The following SDK1 variants were observed in gnomAD, a reference collection of about 807,000 sequenced individuals.
The protein encoded by SDK1 is protein sidekick-1.
In SDK1, 157 loss-of-function variants were observed where a neutral mutation model predicts 245.5. The ratio of observed to expected loss-of-function variants is 0.64; its 90% CI spans 0.56 to 0.73. The LOEUF (loss-of-function observed/expected upper bound fraction) is 0.73. Ranked by LOEUF, SDK1 falls within the 30% of genes least tolerant of loss-of-function variation. SDK1 has a pLI of 0.00. For synonymous variants in SDK1, 1,647 were observed against 1,278.5 expected (o/e 1.29, Z -6.15); for missense variants, 3,583 against 3,002.3 (o/e 1.19, Z -4.52).
At chr7:3,507,247 G>C (rs1307447122) in intron 1 of SDK1, among the ~76,000 whole-genome samples, 1 of 152,014 alleles carries the variant, frequency 6.6e-6, no homozygotes, top group Non-Finnish European at 1.5e-5. Flanking sequence ...GTTGTCTCTT[G>C]AAATCTCACC....
intron 2 of SDK1, among the ~76,000 whole-genome samples, chr7:3,620,006 T>C (rs1781886152): frequency 6.6e-6 from 1 of 152,180 alleles, no homozygotes; most frequent in African/African-American, 2.4e-5. Context: ...GATGGAGAAC[T>C]AGCATGCCAG....
chr7:3,717,128 A>G (rs1785226899), intron 4 of SDK1, among the ~76,000 whole-genome samples: 1 of 152,224 alleles, frequency 6.6e-6, no homozygotes, highest in Non-Finnish European at 1.5e-5. Flanking sequence ...GGATACAAGT[A>G]GGCTGTGATA....
intron 1 of SDK1, among the ~76,000 whole-genome samples, chr7:3,499,407 T>G (rs1389604282): frequency 6.6e-6 from 1 of 152,190 alleles, no homozygotes; most frequent in Non-Finnish European, 1.5e-5. Context: ...AGAAAAGTAT[T>G]AAAAATGTGT....
intron 4 of SDK1, among the ~76,000 whole-genome samples, chr7:3,687,141 A>G (rs1784309741): frequency 6.6e-6 from 1 of 150,714 alleles, no homozygotes; most frequent in South Asian, 2.1e-4. Context: ...GACAAATGAA[A>G]AATTATGTTC....
intron 1 of SDK1, among the ~76,000 whole-genome samples, chr7:3,438,823 C>T (rs1157938481): frequency 6.2e-5 from 1 of 16,014 alleles, no homozygotes; most frequent in Non-Finnish European, 1.0e-4. Context: ...TGGCAGCAAC[C>T]CTGTTTTCTT....
At chr7:4,177,082 G>T (rs1782260917) in intron 34 of SDK1, among the ~76,000 whole-genome samples, 1 of 152,248 alleles carries the variant, frequency 6.6e-6, no homozygotes, top group African/African-American at 2.4e-5. Context: ...GCATTCTGTA[G>T]GGGTGGGAGT....
At chr7:3,790,215 G>C (rs1781036438) in intron 4 of SDK1, among the ~76,000 whole-genome samples, 1 of 152,110 alleles carries the variant, frequency 6.6e-6, no homozygotes, top group African/African-American at 2.4e-5. Context: ...AGAAGCCAGG[G>C]GGCTGTCTCT....
At chr7:3,902,751 TG>T (rs1371529358) in intron 5 of SDK1, among the ~76,000 whole-genome samples, 1 of 152,248 alleles carries the variant, frequency 6.6e-6, no homozygotes, top group East Asian at 1.9e-4. Flanking sequence ...TTCTCAACAA[TG>T]CTTCATAAAG....
At chr7:4,167,779 G>A (rs1028106372) in intron 32 of SDK1, among the ~76,000 whole-genome samples, 1 of 152,236 alleles carries the variant, frequency 6.6e-6, no homozygotes, top group African/African-American at 2.4e-5. Flanking sequence ...GGTGCAAAGC[G>A]AACCTTTTGT....
chr7:4,139,705 ATGTG>A (rs368036304), intron 28 of SDK1, among the ~76,000 whole-genome samples: 2,321 of 112,046 alleles, frequency 0.021, 527 homozygotes, highest in African/African-American at 0.075. Context: ...GTGTGTGTGT[ATGTG>A]TGTGTGTGTG....
chr7:3,636,547 T>C (rs1782461990), intron 2 of SDK1, among the ~76,000 whole-genome samples: 1 of 152,232 alleles, frequency 6.6e-6, no homozygotes. Flanking sequence ...TTTCCTTCTT[T>C]TTAAGACTGA....
At chr7:4,112,825 GCTCATGCAAC>G (rs1014842743) in intron 23 of SDK1, among the ~76,000 whole-genome samples, 1 of 151,758 alleles carries the variant, frequency 6.6e-6, no homozygotes, top group Non-Finnish European at 1.5e-5. Flanking sequence ...CACCATCTCA[GCTCATGCAAC>G]CTCTGCTTCC....
chr7:3,608,003 C>T (rs938535267), intron 1 of SDK1, among the ~76,000 whole-genome samples: 4 of 152,200 alleles, frequency 2.6e-5, no homozygotes, highest in African/African-American at 7.2e-5. Flanking sequence ...TGTACTTTGT[C>T]CCCTTGTTGA....
At chr7:3,778,191 GT>G (rs961210571) in intron 4 of SDK1, among the ~76,000 whole-genome samples, 2 of 152,016 alleles carry the variant, frequency 1.3e-5, no homozygotes, top group Non-Finnish European at 2.9e-5. Context: ...TTAAGCAAAT[GT>G]TTGTTTTCCT....
In SDK1 at chr7:3,443,490, T is replaced by A. The variant is rs533075633; in HGVS notation, c.298+141606T>A. 3.9e-5 allele frequency among the ~76,000 whole-genome samples: 6 copies of A among 152,342 alleles called. No homozygotes were observed. The South Asian group carries it at 1.0e-3, about 26-fold the overall frequency. ...TATACCCTGAATATTTTCCAGCTTG[T>A]AATTAACTGCACAGATGATGTGATC... On this transcript the variant is annotated intron_variant, in intron 1 of 44. Coordinates refer to ENST00000404826, the MANE Select transcript of SDK1 (RefSeq NM_152744.4).
chr7:4,162,391 TTATTATTATTA>T (rs750820330), intron 32 of SDK1, among the ~76,000 whole-genome samples: 3 of 147,118 alleles, frequency 2.0e-5, no homozygotes, highest in Admixed American at 6.8e-5. Flanking sequence ...ATTATTATTA[TTATTATTATTA>T]TTATTATTAT....
At chr7:3,473,930 G>C (rs2128599438) in intron 1 of SDK1, among the ~76,000 whole-genome samples, 1 of 151,954 alleles carries the variant, frequency 6.6e-6, no homozygotes, top group Middle Eastern at 3.4e-3. Flanking sequence ...GTGGACTTTG[G>C]AGCCCAAATA....
intron 1 of SDK1, among the ~76,000 whole-genome samples, chr7:3,349,345 T>C (rs916285545): frequency 4.0e-5 from 6 of 151,270 alleles, no homozygotes; most frequent in African/African-American, 1.5e-4. Flanking sequence ...ACGTCATTCT[T>C]GGAGTTACTC....
At chr7:4,074,886 G>GTATATATATATATATA (rs1240017364) in intron 20 of SDK1, among the ~76,000 whole-genome samples, 1 of 48,110 alleles carries the variant, frequency 2.1e-5, no homozygotes, top group African/African-American at 1.6e-4. Flanking sequence ...CTCTCTCTCT[G>GTATATATATATATATA]TATATATATA....
Sources: allele counts gnomAD v4.1 joint callset (sites outside exome capture counted in the v4.1 genomes callset), GRCh38; gene constraint gnomAD v4.1.1; transcripts MANE v1.5; gene names NCBI Gene and HGNC (gene_info 2026-07-23, HGNC 2026-07-21).